The following TMEM135 variants were observed in gnomAD, a reference collection of about 807,000 sequenced individuals.
TMEM135 encodes the protein transmembrane protein 135, also known as peroxisomal membrane protein 52.
A neutral mutation model predicts 60.3 loss-of-function variants in TMEM135; 30 were observed. That is an observed-to-expected ratio of 0.50 (90% CI 0.37 to 0.68). The LOEUF (loss-of-function observed/expected upper bound fraction) is 0.68. Among genes scored for constraint, TMEM135 ranks in the 30% least tolerant of loss-of-function variants. TMEM135 has a pLI of 0.00. For synonymous variants in TMEM135, 190 were observed against 186.7 expected, an observed-to-expected ratio of 1.02 and a Z score of -0.14; for missense variants, 468 against 548.8, an observed-to-expected ratio of 0.85 and a Z score of 1.47.
At position 87,068,667 on chromosome 11, in the gene TMEM135, C is replaced by T. The variant is rs545324225; in HGVS notation, c.269+846C>T. 2.6e-3 allele frequency among the ~76,000 whole-genome samples: 396 copies of T among 151,892 alleles called. 2 individuals carry two copies. Among genetic ancestry groups the T allele is most frequent in the African/African-American group, 9.1e-3 (377 of 41,426 alleles). On this transcript the variant is annotated intron_variant, in intron 2 of 14. Transcript: ENST00000305494. ...CTACTAAAAAGTACAAAAAATTAGC[C>T]GGGCGTGGTGGTGGGCGCCTGTAGT...
chr11:87,241,441 A>G (rs1170858443), intron 6 of TMEM135, among the ~76,000 whole-genome samples: 1 of 152,102 alleles, frequency 6.6e-6, no homozygotes, highest in Non-Finnish European at 1.5e-5. Context: ...TACAGTGCAT[A>G]CCTAACTGTC....
intron 5 of TMEM135, among the ~76,000 whole-genome samples, chr11:87,187,261 C>G (rs1328839075): frequency 1.3e-5 from 2 of 152,060 alleles, no homozygotes; most frequent in Non-Finnish European, 2.9e-5. Flanking sequence ...CAGAAAGTCT[C>G]CAAGGTAAAG....
At chr11:87,160,902 G>A (rs1938854001) in intron 5 of TMEM135, among the ~76,000 whole-genome samples, 1 of 152,038 alleles carries the variant, frequency 6.6e-6, no homozygotes, top group Non-Finnish European at 1.5e-5. Flanking sequence ...ATTTTTCTGT[G>A]TTGAATTTTG....
At chr11:87,314,645 A>C in intron 12 of TMEM135, 98 bp downstream of exon 12, 1 of 966,640 alleles carries the variant, frequency 1.0e-6, no homozygotes, top group Non-Finnish European at 1.6e-6. Context: ...GGCAAACATA[A>C]ATTTTAATCC....
At chr11:87,078,709 G>T (rs1275777667) in intron 3 of TMEM135, among the ~76,000 whole-genome samples, 1 of 151,996 alleles carries the variant, frequency 6.6e-6, no homozygotes, top group Non-Finnish European at 1.5e-5. Context: ...CACCTCCTGG[G>T]TTAAAGCAAT....
At chr11:87,102,714 G>T (rs7124567) in intron 4 of TMEM135, among the ~76,000 whole-genome samples, 1 of 97,884 alleles carries the variant, frequency 1.0e-5, no homozygotes, top group Non-Finnish European at 2.4e-5. Flanking sequence ...GTATATATAT[G>T]TATATATATA....
intron 6 of TMEM135, among the ~76,000 whole-genome samples, chr11:87,252,405 A>G (rs1941435206): frequency 6.6e-6 from 1 of 152,192 alleles, no homozygotes. Flanking sequence ...AAAAAAGTAG[A>G]AAATAGAAAA....
At chr11:87,066,480 C>T (rs1292434756) in intron 1 of TMEM135, among the ~76,000 whole-genome samples, 4 of 151,422 alleles carry the variant, frequency 2.6e-5, no homozygotes, top group South Asian at 2.1e-4. Context: ...TTTCCTGGAA[C>T]GTTAATAGTC....
intron 1 of TMEM135, among the ~76,000 whole-genome samples, chr11:87,049,494 A>G (rs1212742537): frequency 1.6e-5 from 2 of 123,360 alleles, no homozygotes; most frequent in Admixed American, 8.1e-5. Flanking sequence ...ATGGAAAACA[A>G]AAAAAGGCAG....
rs1026222945 is a variant in TMEM135 at position 87,305,804 on chromosome 11, T to TAAATAAATAAAG, written c.699-129_699-128insTAAATAAAGAAA. The TAAATAAATAAAG allele has an allele frequency of 1.3e-4, 52 of 412,334 alleles. 1 individual carries two copies. The highest frequency in any genetic ancestry group is 1.8e-4 in the Non-Finnish European group (43 of 233,302). 25.5% of individuals were successfully genotyped at this position (412,334 alleles called of 1,614,324 possible). On this transcript the variant is annotated intron_variant, in intron 8 of 14. Coordinates refer to ENST00000305494, the MANE Select transcript of TMEM135 (RefSeq NM_022918.4). ...ATAAATAAATAAATAAATAAATAAATAAAGTGATGTTTTCTTCTCTCTCTT... is the reference window on the plus strand; with the variant it reads ...ATAAATAAATAAATAAATAAATAAATAAATAAATAAAGAAAGTGATGTTTTCTTCTCTCTCTT...
chr11:87,230,142 C>T (rs1200959405), intron 5 of TMEM135, among the ~76,000 whole-genome samples: 1 of 152,056 alleles, frequency 6.6e-6, no homozygotes, highest in Non-Finnish European at 1.5e-5. Flanking sequence ...TCCTCCAACT[C>T]TAGGCCACCA....
intron 6 of TMEM135, among the ~76,000 whole-genome samples, chr11:87,284,212 T>C (rs953672641): frequency 2.6e-5 from 4 of 152,230 alleles, no homozygotes; most frequent in Admixed American, 6.5e-5. Context: ...TTAGGTCCAA[T>C]GAAACCACAA....
chr11:87,075,360 T>A (rs901097700), intron 3 of TMEM135, among the ~76,000 whole-genome samples: 4 of 152,160 alleles, frequency 2.6e-5, no homozygotes, highest in Admixed American at 2.0e-4. Context: ...TTCACAGTGT[T>A]AACCAGGATG....
chr11:87,244,922 A>AGTTC (rs1266485855), intron 6 of TMEM135, among the ~76,000 whole-genome samples: 1 of 150,772 alleles, frequency 6.6e-6, no homozygotes, highest in African/African-American at 2.4e-5. Context: ...TTGCTTTTCT[A>AGTTC]GTTCTTTTAA....
intron 4 of TMEM135, among the ~76,000 whole-genome samples, chr11:87,129,698 A>C (rs1591041797): frequency 6.7e-6 from 1 of 149,158 alleles, no homozygotes; most frequent in Non-Finnish European, 1.5e-5. Context: ...GTGCCCCCAC[A>C]CCTGGCTAAT....
intron 4 of TMEM135, among the ~76,000 whole-genome samples, chr11:87,155,512 G>A (rs1193426113): frequency 6.6e-6 from 1 of 152,160 alleles, no homozygotes; most frequent in Non-Finnish European, 1.5e-5. Flanking sequence ...AACTGTAAGA[G>A]GTCCATTGCC....
intron 4 of TMEM135, chr11:87,096,367 C>A (rs1857330355): frequency 6.3e-6 from 1 of 159,334 alleles, no homozygotes; most frequent in Non-Finnish European, 1.4e-5. Context: ...ACCCTCCCAC[C>A]CAGTTATACC....
At chr11:87,190,729 A>T (rs1939779844) in intron 5 of TMEM135, among the ~76,000 whole-genome samples, 1 of 152,132 alleles carries the variant, frequency 6.6e-6, no homozygotes, top group Non-Finnish European at 1.5e-5. Context: ...CAGATATTTG[A>T]TGTCTTCCTG....
chr11:87,127,978 C>T (rs1403047602), intron 4 of TMEM135, among the ~76,000 whole-genome samples: 1 of 152,192 alleles, frequency 6.6e-6, no homozygotes, highest in Non-Finnish European at 1.5e-5. Flanking sequence ...GAACTTTGAA[C>T]ATCTCTTAAA....
Sources: gnomAD v4.1 joint callset for allele counts (sites outside exome capture counted in the v4.1 genomes callset) on GRCh38, gnomAD v4.1.1 for gene constraint, MANE v1.5 for transcripts, NCBI Gene and HGNC (gene_info 2026-07-23, HGNC 2026-07-21) for gene names.